KIF26B: variants seen among roughly 807,000 people sequenced by gnomAD.
The protein encoded by KIF26B is kinesin family member 26B.
A neutral mutation model predicts 151.2 loss-of-function variants in KIF26B; 63 were observed. The ratio of observed to expected loss-of-function variants is 0.42; its 90% CI spans 0.34 to 0.51. KIF26B has a LOEUF of 0.51. KIF26B is among the 20% of genes least tolerant of loss of function. KIF26B has a pLI of 0.07. For synonymous variants in KIF26B, 1,357 were observed against 1,262.1 expected, an observed-to-expected ratio of 1.08 and a Z score of -1.59; for missense variants, 2,813 against 2,913.6, an observed-to-expected ratio of 0.97 and a Z score of 0.79.
intron 2 of KIF26B, among the ~76,000 whole-genome samples, chr1:245,252,294 GAAAAAA>G (rs1670459315): frequency 7.4e-6 from 1 of 135,838 alleles, no homozygotes; most frequent in African/African-American, 2.8e-5. Context: ...AAAAAAAAAA[GAAAAAA>G]GAAAATTGGT....
At chr1:245,365,030 A>G (rs544891391) in intron 2 of KIF26B, among the ~76,000 whole-genome samples, 20 of 152,338 alleles carry the variant, frequency 1.3e-4, no homozygotes, top group African/African-American at 4.8e-4. Context: ...AAAGTGAAAA[A>G]TCATGAACTG....
chr1:245,532,262 T>TTTGAGACAGAGTCTTGCTC (rs1364678880), intron 4 of KIF26B, among the ~76,000 whole-genome samples: 1 of 148,500 alleles, frequency 6.7e-6, no homozygotes, highest in Non-Finnish European at 1.5e-5. Flanking sequence ...TTTTTTTTTT[T>TTTGAGACAGAGTCTTGCTC]TGAGACAGAG....
intron 2 of KIF26B, among the ~76,000 whole-genome samples, chr1:245,181,201 C>T (rs1573692518): frequency 6.6e-6 from 1 of 151,732 alleles, no homozygotes. Flanking sequence ...CCCCGATTTC[C>T]CCCCCTTCTT....
intron 2 of KIF26B, among the ~76,000 whole-genome samples, chr1:245,364,088 C>T (rs1672883156): frequency 6.6e-6 from 1 of 152,184 alleles, no homozygotes; most frequent in African/African-American, 2.4e-5. Context: ...GCCCTCTGGA[C>T]TGTGAACTCT....
chr1:245,298,947 G>A (rs137902010), intron 2 of KIF26B, among the ~76,000 whole-genome samples: 84 of 152,290 alleles, frequency 5.5e-4, no homozygotes, highest in African/African-American at 1.8e-3. Flanking sequence ...AAGGAGAAGC[G>A]CTGTTCTCAG....
chr1:245,699,686 C>A (rs985569163), intron 14 of KIF26B, among the ~76,000 whole-genome samples: 1 of 152,316 alleles, frequency 6.6e-6, no homozygotes, highest in Admixed American at 6.5e-5. Flanking sequence ...AGCTATTACA[C>A]GGATATAGGA....
At chr1:245,547,391 C>T (rs1354497875) in intron 5 of KIF26B, among the ~76,000 whole-genome samples, 1 of 151,650 alleles carries the variant, frequency 6.6e-6, no homozygotes, top group Non-Finnish European at 1.5e-5. Flanking sequence ...TCGAGACCAG[C>T]CTGGCCAAGA....
intron 4 of KIF26B, among the ~76,000 whole-genome samples, chr1:245,478,658 A>G (rs902319069): frequency 6.6e-6 from 1 of 151,402 alleles, no homozygotes; most frequent in Admixed American, 6.6e-5. Context: ...CTTGTGGTCC[A>G]CCCGTATCGG....
At chr1:245,489,621 T>G (rs2103073138) in intron 4 of KIF26B, among the ~76,000 whole-genome samples, 1 of 152,256 alleles carries the variant, frequency 6.6e-6, no homozygotes, top group East Asian at 1.9e-4. Context: ...GCAGAAAAAA[T>G]GATTTATTTT....
chr1:245,640,122 G>GCTCT (rs376565844), intron 9 of KIF26B, among the ~76,000 whole-genome samples: 4 of 53,968 alleles, frequency 7.4e-5, no homozygotes, highest in African/African-American at 2.3e-4. Context: ...ACTAATATTT[G>GCTCT]CTCTCTCTCT....
In KIF26B at chr1:245,400,485, T is replaced by C. The variant is rs1673969866; in HGVS notation, c.1000-19094T>C. On this transcript the variant is annotated intron_variant, in intron 3 of 14. Coordinates refer to ENST00000407071, the MANE Select transcript of KIF26B (RefSeq NM_018012.4). ...GGGCATAAAACAATCACATAGATAG[T>C]GAGTTTTTTTTTTTTTTTTTTGAAA... Among the ~76,000 whole-genome samples, 3 of 123,482 alleles carry C rather than the reference T, an allele frequency of 2.4e-5. No individual in the cohort carries two copies. In the South Asian group the frequency reaches 8.6e-4, roughly 36 times the overall value. 81.0% of individuals were successfully genotyped at this position (123,482 alleles called of 152,430 possible).
At position 245,688,257 on chromosome 1, in the gene KIF26B, C is replaced by G. The variant is rs766132375; in HGVS notation, c.5274C>G (p.Phe1758Leu). ...PSASTTKTLSFSTKSLPQAVG... is the reference protein window; with the variant it reads ...PSASTTKTLSLSTKSLPQAVG... ...CCTCCACCACCAAAACCCTCAGCTT[C>G]TCCACCAAGTCCCTGCCGCAGGCGG... Residue 1758 changes from phenylalanine (F) to leucine (L), a missense_variant, in exon 12 of 15, where the codon TTC becomes TTG. Physicochemically the swap from Phe to Leu is conservative, Grantham distance 22. This residue lies in a region of KIF26B where 2,060 missense variants were observed against 2,088.6 expected (regional missense o/e 0.99). Coordinates refer to ENST00000407071, the MANE Select transcript of KIF26B (RefSeq NM_018012.4). 5 of 1,594,164 alleles carry G rather than the reference C, an allele frequency of 3.1e-6. No individual in the cohort carries two copies. In the Admixed American group the frequency reaches 6.7e-5, roughly 21 times the overall value.
At chr1:245,324,760 G>A (rs1671952562) in intron 2 of KIF26B, among the ~76,000 whole-genome samples, 1 of 152,086 alleles carries the variant, frequency 6.6e-6, no homozygotes, top group Non-Finnish European at 1.5e-5. Flanking sequence ...GATATGGCAA[G>A]CTTGTTAACA....
chr1:245,306,013 A>G (rs1309254393), intron 2 of KIF26B, among the ~76,000 whole-genome samples: 1 of 152,042 alleles, frequency 6.6e-6, no homozygotes, highest in Non-Finnish European at 1.5e-5. Context: ...GCACTTTCTC[A>G]GAGAGTTAAA....
chr1:245,540,807 C>A lies in KIF26B; in HGVS notation c.1207C>A (p.His403Asn). The change falls in exon 5 of 15, where the codon CAT (histidine) becomes AAT (asparagine). Residue 403 changes from histidine to asparagine, a missense_variant. This residue lies in a region of KIF26B where 676 missense variants were observed against 688.1 expected (regional missense o/e 0.98). Transcript: ENST00000407071. This position sits in a 1 kb window ranked among gnomAD's most constrained non-coding sequence, Gnocchi z 4.6. Reference sequence around the variant, plus strand: ...AAATCTGTCTTCTAAAAAGAAGAAACATCGGCCTTCCACTTCTTCCGCTGC... The same window carrying A: ...AAATCTGTCTTCTAAAAAGAAGAAAAATCGGCCTTCCACTTCTTCCGCTGC... ...KLNLSSKKKKHRPSTSSAAEP... is the reference protein window; with the variant it reads ...KLNLSSKKKKNRPSTSSAAEP... 1 of 1,614,002 alleles carries A rather than the reference C, an allele frequency of 6.2e-7. No homozygotes were observed. The highest frequency in any genetic ancestry group is 1.7e-5 in the Admixed American group (1 of 60,034).
chr1:245,376,135 A>G (rs1244020730), intron 3 of KIF26B, among the ~76,000 whole-genome samples: 2 of 152,240 alleles, frequency 1.3e-5, no homozygotes, highest in African/African-American at 4.8e-5. Flanking sequence ...AATTTCATGT[A>G]GAAGGAAGTT....
Position 245,156,674 on chromosome 1 carries a change from C to T in KIF26B, c.456C>T (p.Phe152=), listed in dbSNP as rs1418450959. Residue 152 remains phenylalanine (F), a synonymous_variant, in exon 2 of 15, where the codon TTC becomes TTT. Coordinates refer to ENST00000407071, the MANE Select transcript of KIF26B (RefSeq NM_018012.4). ...QALRLLLPGP[F]PGKDPAFSAV... ...TGAGGTTGCTCCTCCCGGGGCCCTT[C>T]CCGGGCAAGGTGAGCGCCGCGCGGG... 5 of 1,498,254 alleles carry T rather than the reference C, an allele frequency of 3.3e-6. No individual in the cohort carries two copies. Among genetic ancestry groups the T allele is most frequent in the Admixed American group, 2.1e-5 (1 of 47,134 alleles). The allele number at this position is 1,498,254 out of a possible 1,614,324, so 92.8% of individuals were successfully genotyped here.
intron 2 of KIF26B, among the ~76,000 whole-genome samples, chr1:245,331,070 A>G (rs1672099402): frequency 6.6e-6 from 1 of 151,998 alleles, no homozygotes; most frequent in Admixed American, 6.5e-5. Context: ...AGGGAGCCTC[A>G]GAGCAGGAAC....
intron 2 of KIF26B, among the ~76,000 whole-genome samples, chr1:245,254,810 G>A (rs900313384): frequency 6.6e-6 from 1 of 152,166 alleles, no homozygotes; most frequent in Admixed American, 6.6e-5. Context: ...TCTTGTGTGG[G>A]CTTTTGCCAT....
Sources: gnomAD v4.1 joint callset for allele counts (sites outside exome capture counted in the v4.1 genomes callset) on GRCh38, gnomAD v4.1.1 for gene constraint, gnomAD v4.1.1 regional missense constraint, Gnocchi (gnomAD v3.1) non-coding constraint, MANE v1.5 for transcripts, NCBI Gene and HGNC (gene_info 2026-07-23, HGNC 2026-07-21) for gene names.